Variants in CALD1 observed in about 807,000 individuals in gnomAD.
CALD1 encodes the protein caldesmon 1.
Under a neutral mutation model 99.9 loss-of-function variants are expected in CALD1, and 33 were observed. The ratio of observed to expected loss-of-function variants is 0.33; its 90% CI spans 0.25 to 0.44. CALD1 has a LOEUF of 0.44. Ranked by LOEUF, CALD1 falls within the 20% of genes least tolerant of loss-of-function variation. The pLI is 1.00. For synonymous variants in CALD1, 310 were observed against 325.0 expected, an observed-to-expected ratio of 0.95 and a Z score of 0.50; for missense variants, 861 against 962.1, an observed-to-expected ratio of 0.89 and a Z score of 1.39.
intron 3 of CALD1, among the ~76,000 whole-genome samples, chr7:134,890,142 T>C (rs1802080152): frequency 6.6e-6 from 1 of 152,098 alleles, no homozygotes; most frequent in Admixed American, 6.5e-5. Context: ...CTCCTGACCT[T>C]GATCCACCTG....
In CALD1 at chr7:134,867,846, C is replaced by T. The variant is rs987390894; in HGVS notation, c.71+42C>T. 6 of 1,331,586 alleles carry T rather than the reference C, an allele frequency of 4.5e-6. No individual in the cohort carries two copies. In the African/African-American group the frequency reaches 8.7e-5, roughly 19 times the overall value. The allele number at this position is 1,331,586 out of a possible 1,614,324, so 82.5% of individuals were successfully genotyped here. A position where few individuals can be genotyped will look rare whatever the true frequency, so the allele number is the denominator to read the frequency against. On this transcript the variant is annotated intron_variant, in intron 3 of 14. Transcript: ENST00000361675. ...AAAAATACTTGTATTCCCTTATTAACAACCTTGGTTTCAGGCCTCAAAGAC... is the reference window on the plus strand; with the variant it reads ...AAAAATACTTGTATTCCCTTATTAATAACCTTGGTTTCAGGCCTCAAAGAC...
chr7:134,768,853 CCT>C (rs1420754099), intron 1 of CALD1, among the ~76,000 whole-genome samples: 1 of 152,020 alleles, frequency 6.6e-6, no homozygotes, highest in Admixed American at 6.6e-5. Flanking sequence ...CCCCTCTCTC[CCT>C]CATGGCCAAC....
intron 1 of CALD1, among the ~76,000 whole-genome samples, chr7:134,810,543 A>G (rs190998305): frequency 1.4e-4 from 22 of 152,252 alleles, no homozygotes; most frequent in Admixed American, 1.4e-3. Context: ...CCCTGGGGAG[A>G]GAGCTACAAC....
rs1252722039 is a variant in CALD1, at chr7:134,834,078, C to A, written c.-129-9806C>A. Among the ~76,000 whole-genome samples the A allele has an allele frequency of 7.2e-5, 11 of 152,304 alleles. No homozygotes were observed. In the East Asian group the frequency reaches 1.9e-3, roughly 27 times the overall value. On this transcript the variant is annotated intron_variant, in intron 1 of 14. Transcript: ENST00000361675. Reference sequence around the variant, plus strand: ...TTAAAAAGTAAATCACATGAAACCTCACATTTCTGATGATACGTCAGAGTA... The same window carrying A: ...TTAAAAAGTAAATCACATGAAACCTAACATTTCTGATGATACGTCAGAGTA...
At chr7:134,895,111 AAAT>A (rs1802469314) in intron 3 of CALD1, among the ~76,000 whole-genome samples, 4 of 150,388 alleles carry the variant, frequency 2.7e-5, no homozygotes, top group Admixed American at 1.3e-4. Flanking sequence ...ATAAATAAAT[AAAT>A]AAATAAATAA....
Position 134,969,168 on chromosome 7 carries a change from T to C in CALD1, c.*823T>C, listed in dbSNP as rs1808883616. On this transcript the variant is annotated 3_prime_UTR_variant, in exon 15 of 15. Coordinates refer to ENST00000361675, the MANE Select transcript of CALD1 (RefSeq NM_033138.4). The stretch of plus-strand genomic sequence containing the variant: ...TTTGAAAAATTAAAAAATCACACTA[T>C]ATTAATATTTTATATTTGCCAACAG... The C allele has an allele frequency of 6.5e-6, 1 of 152,712 alleles. No homozygotes were observed. The highest frequency in any genetic ancestry group is 2.4e-5 in the African/African-American group (1 of 41,468). 9.5% of individuals were successfully genotyped at this position (152,712 alleles called of 1,614,324 possible).
At position 134,889,679 on chromosome 7, in the gene CALD1, G is replaced by A. The variant is rs142312978; in HGVS notation, c.71+21875G>A. 2.2e-3 allele frequency among the ~76,000 whole-genome samples: 339 copies of A among 152,316 alleles called. 1 individual carries two copies. The highest frequency in any genetic ancestry group is 3.4e-3 in the Middle Eastern group (1 of 294). On this transcript the variant is annotated intron_variant, in intron 3 of 14. Coordinates refer to ENST00000361675, the MANE Select transcript of CALD1 (RefSeq NM_033138.4). ...CATGTTTCTGTCTCAGTTCTAGAGC[G>A]AGAAACTCAGGACAAGTCAGTGTAT... is the stretch of plus-strand genomic sequence containing the variant.
intron 1 of CALD1, among the ~76,000 whole-genome samples, chr7:134,756,313 A>C (rs1206903339): frequency 6.8e-6 from 1 of 148,130 alleles, no homozygotes; most frequent in Admixed American, 6.8e-5. Flanking sequence ...AAAAAACCTA[A>C]AACTAAAAAA....
intron 1 of CALD1, among the ~76,000 whole-genome samples, chr7:134,748,588 G>T (rs549411873): frequency 1.3e-5 from 2 of 152,136 alleles, no homozygotes; most frequent in East Asian, 3.9e-4. Context: ...GCAGGCACCT[G>T]TAATCCCAGC....
intron 3 of CALD1, among the ~76,000 whole-genome samples, chr7:134,894,914 T>A (rs1802451921): frequency 6.6e-6 from 1 of 152,126 alleles, no homozygotes; most frequent in African/African-American, 2.4e-5. Flanking sequence ...ATTTTTCTTA[T>A]AGAGAAGTGT....
At chr7:134,940,786 A>G (rs1358615127) in intron 6 of CALD1, among the ~76,000 whole-genome samples, 2 of 152,212 alleles carry the variant, frequency 1.3e-5, no homozygotes, top group Non-Finnish European at 2.9e-5. Context: ...CTACTTTTAC[A>G]TGAAGTTCCC....
chr7:134,755,701 ACT>A (rs148419270), intron 1 of CALD1, among the ~76,000 whole-genome samples: 3,800 of 152,136 alleles, frequency 0.025, 66 homozygotes, highest in Non-Finnish European at 0.039. Context: ...TTTTATCCTT[ACT>A]CTGTCTCTTG....
At chr7:134,887,040 G>T (rs1167957741) in intron 3 of CALD1, among the ~76,000 whole-genome samples, 2 of 152,328 alleles carry the variant, frequency 1.3e-5, no homozygotes, top group East Asian at 3.9e-4. Flanking sequence ...ATAAGACAGT[G>T]TCACAACCCA....
chr7:134,733,226 G>A, the CALD1 span, among the ~76,000 whole-genome samples: 4 of 152,184 alleles, frequency 2.6e-5, no homozygotes, highest in Non-Finnish European at 5.9e-5. Flanking sequence ...CCTAATGCAT[G>A]GAACCCAGTG....
intron 2 of CALD1, among the ~76,000 whole-genome samples, chr7:134,858,349 TC>T (rs1021050137): frequency 6.6e-6 from 1 of 151,868 alleles, no homozygotes; most frequent in African/African-American, 2.4e-5. Context: ...ATTGCCCCCA[TC>T]CAAAAAGCCT....
chr7:134,911,811 G>T (rs1415039272), intron 3 of CALD1, among the ~76,000 whole-genome samples: 1 of 152,200 alleles, frequency 6.6e-6, no homozygotes, highest in Non-Finnish European at 1.5e-5. Context: ...TTTGAGAAGG[G>T]TGCTAAAAAT....
chr7:134,790,138 G>C (rs1294465901), intron 1 of CALD1, among the ~76,000 whole-genome samples: 1 of 151,444 alleles, frequency 6.6e-6, no homozygotes, highest in African/African-American at 2.4e-5. Context: ...GAAGGGAAAA[G>C]GGGGAAGAGG....
intron 1 of CALD1, among the ~76,000 whole-genome samples, chr7:134,755,748 TAGA>T (rs1562989515): frequency 6.6e-6 from 1 of 152,250 alleles, no homozygotes; most frequent in Non-Finnish European, 1.5e-5. Flanking sequence ...TTTCACAGTG[TAGA>T]AGTTGTTTTT....
chr7:134,731,937 T>C, the CALD1 span, among the ~76,000 whole-genome samples: 2 of 152,220 alleles, frequency 1.3e-5, no homozygotes, highest in African/African-American at 4.8e-5. Context: ...CCAATTTCTA[T>C]TCATCAAAAT....
Sources: gnomAD v4.1 joint callset for allele counts (sites outside exome capture counted in the v4.1 genomes callset) on GRCh38, gnomAD v4.1.1 for gene constraint, MANE v1.5 for transcripts, NCBI Gene and HGNC (gene_info 2026-07-23, HGNC 2026-07-21) for gene names.